Variants in TJP1 observed in about 807,000 individuals in gnomAD.
TJP1 encodes the protein tight junction protein ZO-1.
TJP1 carries 43 observed loss-of-function variants against 194.2 expected under a neutral mutation model. The observed-to-expected ratio is 0.22, with a 90% CI of 0.17 to 0.29. The LOEUF is 0.29. Ranked by LOEUF, TJP1 falls within the 10% of genes least tolerant of loss-of-function variation. The pLI, the probability that TJP1 is intolerant of heterozygous loss-of-function variation, is 1.00. For synonymous variants in TJP1, 801 were observed against 779.0 expected, an observed-to-expected ratio of 1.03 and a Z score of -0.47; for missense variants, 1,971 against 2,185.7, an observed-to-expected ratio of 0.90 and a Z score of 1.96.
intron 15 of TJP1, among the ~76,000 whole-genome samples, chr15:29,729,879 C>T (rs1237658783): frequency 6.6e-6 from 1 of 151,498 alleles, no homozygotes; most frequent in Non-Finnish European, 1.5e-5. Flanking sequence ...AACAAAATCC[C>T]CAGCACAACT....
At chr15:29,875,292 A>G (rs1755630083) in intron 2 of TJP1, among the ~76,000 whole-genome samples, 1 of 152,300 alleles carries the variant, frequency 6.6e-6, no homozygotes, top group East Asian at 1.9e-4. Context: ...GTACTTTTCA[A>G]CCAATACCTG....
chr15:29,949,329 C>G (rs2055444674), intron 2 of TJP1, among the ~76,000 whole-genome samples: 1 of 134,162 alleles, frequency 7.5e-6, no homozygotes, highest in Admixed American at 7.4e-5. Context: ...ACCACCACTA[C>G]CTCCACCACC....
chr15:29,802,164 G>T (rs1185619034), intron 1 of TJP1, among the ~76,000 whole-genome samples: 1 of 152,054 alleles, frequency 6.6e-6, no homozygotes, highest in African/African-American at 2.4e-5. Context: ...TTATCAAAAG[G>T]TAAAGTAAAA....
intron 1 of TJP1, among the ~76,000 whole-genome samples, chr15:29,807,696 T>C (rs549236052): frequency 2.0e-5 from 3 of 151,986 alleles, no homozygotes; most frequent in Non-Finnish European, 2.9e-5. Context: ...CAGTAACAAA[T>C]GAACATAACT....
intron 23 of TJP1, among the ~76,000 whole-genome samples, chr15:29,714,482 C>T (rs957530133): frequency 6.6e-6 from 1 of 151,464 alleles, no homozygotes; most frequent in African/African-American, 2.4e-5. Flanking sequence ...TCATGATCCA[C>T]CCACCTCGGC....
chr15:29,832,212 G>A (rs1403446729), intron 2 of TJP1, among the ~76,000 whole-genome samples: 2 of 152,104 alleles, frequency 1.3e-5, no homozygotes, highest in Non-Finnish European at 1.5e-5. Context: ...GGGCATTGGG[G>A]CGGCTGAGAG....
intron 2 of TJP1, among the ~76,000 whole-genome samples, chr15:29,922,585 T>C (rs2054400994): frequency 6.6e-6 from 1 of 152,196 alleles, no homozygotes; most frequent in Non-Finnish European, 1.5e-5. Context: ...ATGCAAGGGT[T>C]AGCTGTGTTA....
At chr15:29,708,233 C>G (rs1380009161) in intron 25 of TJP1, among the ~76,000 whole-genome samples, 2 of 150,576 alleles carry the variant, frequency 1.3e-5, no homozygotes, top group African/African-American at 4.9e-5. Flanking sequence ...GCTCAGAGGT[C>G]GGATGACCAG....
chr15:29,715,852 A>G (rs563652224), intron 23 of TJP1, among the ~76,000 whole-genome samples: 5 of 152,288 alleles, frequency 3.3e-5, no homozygotes, highest in African/African-American at 1.2e-4. Context: ...AACTGTGTAA[A>G]TGAATTTCTT....
chr15:29,791,012 G>A lies in TJP1; in HGVS notation c.84+9634C>T, dbSNP rs539212775. On this transcript the variant is annotated intron_variant, in intron 2 of 27. Coordinates refer to ENST00000614355, the MANE Select transcript of TJP1 (RefSeq NM_001330239.4). ...ATGCTGCAATAAACATGGGAGTGCAGTTATCCCTTTGATATACTCGTTTCC... is the reference window on the plus strand; with the variant it reads ...ATGCTGCAATAAACATGGGAGTGCAATTATCCCTTTGATATACTCGTTTCC... Among the ~76,000 whole-genome samples, 21 of 152,094 alleles carry A rather than the reference G, an allele frequency of 1.4e-4. No homozygotes were observed. The South Asian group carries it at 4.4e-3, about 32-fold the overall frequency.
At position 29,902,182 on chromosome 15, in the gene TJP1, G is replaced by C. The variant is rs368996366; in HGVS notation, c.306+54050C>G. On this transcript the variant is annotated intron_variant, in intron 2 of 28. Coordinates refer to the TJP1 transcript ENST00000356107. ...AGAACTTTGAAAGTTTATTTTGTGA[G>C]AAAACTGGAAAATTAAAAACTAACA... is the stretch of plus-strand genomic sequence containing the variant. 5.3e-5 allele frequency among the ~76,000 whole-genome samples: 8 copies of C among 151,956 alleles called. No individual in the cohort carries two copies. The East Asian group carries it at 1.5e-3, about 29-fold the overall frequency.
upstream of TJP1, chr15:29,824,010 G>A (rs2050582680): frequency 7.0e-6 from 1 of 143,712 alleles, no homozygotes; most frequent in South Asian, 2.3e-4. Flanking sequence ...TTGAACCCAG[G>A]AGGCGGAGGT....
intron 2 of TJP1, among the ~76,000 whole-genome samples, chr15:29,830,549 A>G (rs1198940556): frequency 6.6e-6 from 1 of 151,112 alleles, no homozygotes; most frequent in Non-Finnish European, 1.5e-5. Flanking sequence ...ACATATTATT[A>G]CACTAATATA....
intron 18 of TJP1, among the ~76,000 whole-genome samples, chr15:29,722,800 G>A (rs1450936024): frequency 6.6e-6 from 1 of 152,240 alleles, no homozygotes; most frequent in Non-Finnish European, 1.5e-5. Context: ...GGCTACAGGG[G>A]CAGAGCTGTC....
At chr15:29,920,809 G>T (rs1216761850) in intron 2 of TJP1, among the ~76,000 whole-genome samples, 2 of 152,128 alleles carry the variant, frequency 1.3e-5, no homozygotes, top group Admixed American at 1.3e-4. Context: ...GTCATCATTC[G>T]CAACCTGAAG....
intron 16 of TJP1, 105 bp downstream of exon 16, chr15:29,727,832 A>C: frequency 1.2e-6 from 1 of 831,226 alleles, no homozygotes. Flanking sequence ...ATAGTATGTC[A>C]GTAATAGTCT....
intron 2 of TJP1, among the ~76,000 whole-genome samples, chr15:29,774,355 T>C (rs1181495968): frequency 6.6e-6 from 1 of 152,116 alleles, no homozygotes; most frequent in African/African-American, 2.4e-5. Flanking sequence ...ATACCAACTA[T>C]TCCAAGTGTC....
intron 23 of TJP1, among the ~76,000 whole-genome samples, chr15:29,715,335 TCA>T (rs1221916625): frequency 1.3e-4 from 20 of 152,176 alleles, no homozygotes; most frequent in Admixed American, 1.3e-3. Flanking sequence ...TGCAGCACTC[TCA>T]GTTTGCATTT....
Position 29,944,719 on chromosome 15 carries a change from T to G in TJP1, c.306+11513A>C, listed in dbSNP as rs149755146. On this transcript the variant is annotated intron_variant, in intron 2 of 28. Transcript: ENST00000356107. The stretch of plus-strand genomic sequence containing the variant: ...TTAAATCAATCGGATTTTACCTACT[T>G]CAAATATTTACCAATTATAGCTTCT... 5.0e-3 allele frequency among the ~76,000 whole-genome samples: 762 copies of G among 152,304 alleles called. 5 individuals are homozygous for G. The highest frequency in any genetic ancestry group is 0.017 in the African/African-American group (720 of 41,562).
Sources: allele counts gnomAD v4.1 joint callset (sites outside exome capture counted in the v4.1 genomes callset), GRCh38; gene constraint gnomAD v4.1.1; transcripts MANE v1.5; gene names NCBI Gene and HGNC (gene_info 2026-07-23, HGNC 2026-07-21).